Variants in PLCB4 observed in about 807,000 individuals in gnomAD.
PLCB4 encodes phospholipase C beta 4.
A neutral mutation model predicts 178.8 loss-of-function variants in PLCB4; 77 were observed. The ratio of observed to expected loss-of-function variants is 0.43; its 90% CI spans 0.36 to 0.52. The LOEUF is 0.52. Among genes scored for constraint, PLCB4 ranks in the 20% least tolerant of loss-of-function variants. The pLI, the probability that PLCB4 is intolerant of heterozygous loss-of-function variation, is 0.00. For synonymous variants in PLCB4, 496 were observed against 490.8 expected, an observed-to-expected ratio of 1.01 and a Z score of -0.14; for missense variants, 1,024 against 1,453.4, an observed-to-expected ratio of 0.70 and a Z score of 4.80.
At chr20:9,216,801 G>T (rs1267857146) in intron 2 of PLCB4, among the ~76,000 whole-genome samples, 4 of 152,056 alleles carry the variant, frequency 2.6e-5, no homozygotes, top group South Asian at 2.1e-4. Flanking sequence ...CACTGCACCC[G>T]GCCACTTTTG....
At chr20:9,283,033 A>G (rs1486024350) in intron 3 of PLCB4, among the ~76,000 whole-genome samples, 1 of 152,048 alleles carries the variant, frequency 6.6e-6, no homozygotes, top group Non-Finnish European at 1.5e-5. Flanking sequence ...AAGTCTTCAT[A>G]TCTTGATGGG....
chr20:9,467,488 G>A (rs1464872173), intron 35 of PLCB4, among the ~76,000 whole-genome samples: 1 of 152,168 alleles, frequency 6.6e-6, no homozygotes, highest in African/African-American at 2.4e-5. Context: ...AGCAACAGCA[G>A]TATTTTAGCT....
chr20:9,206,306 T>C (rs11698764), intron 2 of PLCB4, among the ~76,000 whole-genome samples: 1,973 of 53,682 alleles, frequency 0.037, 19 homozygotes, highest in African/African-American at 0.14. Flanking sequence ...TTTCTTTTTT[T>C]TTTTTTTTTT....
intron 12 of PLCB4, among the ~76,000 whole-genome samples, chr20:9,378,081 T>A (rs904191308): frequency 2.6e-5 from 4 of 152,142 alleles, no homozygotes; most frequent in African/African-American, 4.8e-5. Flanking sequence ...CTTGTCAGAA[T>A]AAACACATGT....
intron 4 of PLCB4, among the ~76,000 whole-genome samples, chr20:9,328,028 G>A (rs766656371): frequency 6.6e-6 from 1 of 152,086 alleles, no homozygotes; most frequent in South Asian, 2.1e-4. Context: ...ATGCTTACAT[G>A]TTTCTCTCAC....
intron 3 of PLCB4, among the ~76,000 whole-genome samples, chr20:9,223,265 T>C (rs766268312): frequency 1.1e-4 from 17 of 152,182 alleles, no homozygotes; most frequent in Non-Finnish European, 2.1e-4. Flanking sequence ...GTGGCCAAAC[T>C]GATACCAGAC....
At chr20:9,104,516 G>T (rs182593836) in intron 2 of PLCB4, among the ~76,000 whole-genome samples, 8 of 152,102 alleles carry the variant, frequency 5.3e-5, no homozygotes, top group Non-Finnish European at 8.8e-5. Flanking sequence ...CCCGCAAATT[G>T]CCCAGTATTT....
chr20:9,353,717 C>T (rs1237621326), intron 7 of PLCB4, among the ~76,000 whole-genome samples: 3 of 152,198 alleles, frequency 2.0e-5, no homozygotes, highest in African/African-American at 7.2e-5. Flanking sequence ...GGAATGGGGA[C>T]TCAGGCTTTG....
chr20:9,390,876 A>G (rs2148412757), intron 17 of PLCB4, among the ~76,000 whole-genome samples: 1 of 152,308 alleles, frequency 6.6e-6, no homozygotes, highest in African/African-American at 2.4e-5. Context: ...CCAGGCCAAG[A>G]GTCCAGATTC....
chr20:9,161,521 C>T (rs2092887634), intron 2 of PLCB4, among the ~76,000 whole-genome samples: 1 of 152,204 alleles, frequency 6.6e-6, no homozygotes, highest in African/African-American at 2.4e-5. Context: ...GATTTTACCA[C>T]CCAGGAGCTG....
At chr20:9,392,140 G>T (rs1163518990) in intron 17 of PLCB4, among the ~76,000 whole-genome samples, 1 of 152,204 alleles carries the variant, frequency 6.6e-6, no homozygotes, top group Non-Finnish European at 1.5e-5. Context: ...TGTATTCTTA[G>T]TGAAGTGATG....
intron 3 of PLCB4, among the ~76,000 whole-genome samples, chr20:9,293,230 G>T (rs1200478549): frequency 1.3e-5 from 2 of 148,826 alleles, no homozygotes. Context: ...ATGGAAGGAA[G>T]GAAGGAAGGG....
At chr20:9,433,293 C>T (rs1310382127) in intron 28 of PLCB4, among the ~76,000 whole-genome samples, 1 of 152,092 alleles carries the variant, frequency 6.6e-6, no homozygotes, top group Non-Finnish European at 1.5e-5. Context: ...AGAAAGATGT[C>T]AAGAGGGATT....
At chr20:9,447,771 G>A (rs1027477273) in intron 32 of PLCB4, among the ~76,000 whole-genome samples, 1 of 152,164 alleles carries the variant, frequency 6.6e-6, no homozygotes, top group East Asian at 1.9e-4. Context: ...AATTCAGCCC[G>A]GCTTGAGAAC....
At chr20:9,177,419 T>C (rs891237677) in intron 2 of PLCB4, among the ~76,000 whole-genome samples, 2 of 152,176 alleles carry the variant, frequency 1.3e-5, no homozygotes, top group Admixed American at 6.5e-5. Context: ...GCCTCGGGAC[T>C]GGACTGAGAC....
At chr20:9,457,549 A>G in intron 34 of PLCB4, 60 bp downstream of exon 34, 1 of 827,352 alleles carries the variant, frequency 1.2e-6, no homozygotes, top group East Asian at 2.4e-5. Flanking sequence ...AATTTTTTAG[A>G]AGGAGTACCT....
intron 3 of PLCB4, among the ~76,000 whole-genome samples, chr20:9,254,567 G>C (rs1426029675): frequency 6.6e-6 from 1 of 152,040 alleles, no homozygotes. Flanking sequence ...GCTTGGTGTT[G>C]CATGCCTGTA....
At chr20:9,302,744 T>C (rs549064314) in intron 3 of PLCB4, among the ~76,000 whole-genome samples, 1 of 152,280 alleles carries the variant, frequency 6.6e-6, no homozygotes, top group African/African-American at 2.4e-5. Context: ...ATGAATATTT[T>C]AGTAGTTAAG....
chr20:9,436,157 T>C (rs993897952), intron 29 of PLCB4, among the ~76,000 whole-genome samples: 11 of 152,178 alleles, frequency 7.2e-5, no homozygotes, highest in Non-Finnish European at 1.3e-4. Context: ...AATTTTCTGT[T>C]TAGACTTGGG....
Sources: gnomAD v4.1 joint callset for allele counts (sites outside exome capture counted in the v4.1 genomes callset) on GRCh38, gnomAD v4.1.1 for gene constraint, MANE v1.5 for transcripts, NCBI Gene and HGNC (gene_info 2026-07-23, HGNC 2026-07-21) for gene names.